MAGI2: variants seen among roughly 807,000 people sequenced by gnomAD.
The protein encoded by MAGI2 is membrane associated guanylate kinase, WW and PDZ domain containing 2.
MAGI2 carries 35 observed loss-of-function variants against 133.3 expected under a neutral mutation model. The observed-to-expected ratio is 0.26, with a 90% CI of 0.20 to 0.35. The LOEUF is 0.35. Ranked by LOEUF, MAGI2 falls within the 10% of genes least tolerant of loss-of-function variation. MAGI2 has a pLI of 1.00. For synonymous variants in MAGI2, 729 were observed against 710.6 expected (o/e 1.03, Z -0.41); for missense variants, 1,636 against 1,863.4 (o/e 0.88, Z 2.25).
chr7:79,388,843 TAA>T (rs11321887), intron 1 of MAGI2, among the ~76,000 whole-genome samples: 50 of 141,904 alleles, frequency 3.5e-4, no homozygotes, highest in Admixed American at 8.4e-4. Flanking sequence ...ATGTAGTCAT[TAA>T]AAAAAAAAAA....
At chr7:78,797,516 T>C (rs1787713477) in intron 2 of MAGI2, among the ~76,000 whole-genome samples, 1 of 149,588 alleles carries the variant, frequency 6.7e-6, no homozygotes, top group Admixed American at 7.2e-5. Context: ...CAGTGTTTCT[T>C]TATTATGTGA....
chr7:78,930,975 C>T (rs1013258560), intron 2 of MAGI2, among the ~76,000 whole-genome samples: 4 of 152,014 alleles, frequency 2.6e-5, no homozygotes, highest in South Asian at 2.1e-4. Context: ...TTCTATTTTG[C>T]TATTTAGGAG....
At chr7:78,834,452 A>C (rs139740988) in intron 2 of MAGI2, among the ~76,000 whole-genome samples, 327 of 152,282 alleles carry the variant, frequency 2.1e-3, no homozygotes, top group African/African-American at 7.6e-3. Flanking sequence ...AAATCATATG[A>C]TATGTGGCTT....
chr7:79,199,361 T>C (rs10250126), intron 1 of MAGI2, among the ~76,000 whole-genome samples: 25,527 of 152,010 alleles, frequency 0.17, 5,344 homozygotes, highest in African/African-American at 0.49. Flanking sequence ...ACTAAGATTA[T>C]ACAATTGCTA....
chr7:79,386,769 G>T (rs983400119), intron 1 of MAGI2, among the ~76,000 whole-genome samples: 2 of 152,008 alleles, frequency 1.3e-5, no homozygotes, highest in South Asian at 2.1e-4. Context: ...GGTATTAAAA[G>T]GTGGTGCCTT....
intron 2 of MAGI2, among the ~76,000 whole-genome samples, chr7:78,825,854 C>T (rs1297519008): frequency 6.6e-6 from 1 of 152,102 alleles, no homozygotes; most frequent in African/African-American, 2.4e-5. Flanking sequence ...ATGTCTCCAA[C>T]CGATTTGAAA....
At chr7:78,919,224 CA>C (rs1468431776) in intron 2 of MAGI2, among the ~76,000 whole-genome samples, 1 of 151,980 alleles carries the variant, frequency 6.6e-6, no homozygotes, top group Admixed American at 6.6e-5. Context: ...TTTTGTTGGA[CA>C]AAATCTAACA....
intron 3 of MAGI2, among the ~76,000 whole-genome samples, chr7:78,576,369 A>G (rs1802265686): frequency 1.3e-5 from 2 of 152,122 alleles, no homozygotes; most frequent in African/African-American, 4.8e-5. Flanking sequence ...TTATGTTTGA[A>G]TCTATTGGAG....
At chr7:78,889,938 T>A (rs1429764589) in intron 2 of MAGI2, among the ~76,000 whole-genome samples, 2 of 152,158 alleles carry the variant, frequency 1.3e-5, no homozygotes, top group Non-Finnish European at 2.9e-5. Context: ...ACTGGCAAAT[T>A]GGATAAAGAG....
chr7:78,064,604 C>T (rs1813623977), intron 21 of MAGI2, among the ~76,000 whole-genome samples: 1 of 152,052 alleles, frequency 6.6e-6, no homozygotes, highest in Non-Finnish European at 1.5e-5. Flanking sequence ...GGGATAGAAT[C>T]AAACCAGAAT....
At chr7:79,270,508 A>G (rs1834801592) in intron 1 of MAGI2, among the ~76,000 whole-genome samples, 1 of 152,196 alleles carries the variant, frequency 6.6e-6, no homozygotes, top group African/African-American at 2.4e-5. Context: ...CAATCATTTA[A>G]CATTTCAGTA....
intron 2 of MAGI2, among the ~76,000 whole-genome samples, chr7:78,740,159 TA>T (rs1211881071): frequency 0.013 from 1,860 of 138,578 alleles, 43 homozygotes; most frequent in African/African-American, 0.044. Flanking sequence ...AGACTCTGTC[TA>T]AAAAAAAAAA....
At chr7:78,196,681 C>G (rs1828770697) in intron 11 of MAGI2, among the ~76,000 whole-genome samples, 1 of 152,104 alleles carries the variant, frequency 6.6e-6, no homozygotes, top group African/African-American at 2.4e-5. Context: ...CCTGCCCTGC[C>G]CACCTGGGAC....
chr7:79,001,312 A>T (rs1045768969), intron 2 of MAGI2, among the ~76,000 whole-genome samples: 14 of 152,186 alleles, frequency 9.2e-5, no homozygotes, highest in African/African-American at 3.4e-4. Context: ...CTTCAAATAA[A>T]TTTTAAATAT....
intron 2 of MAGI2, among the ~76,000 whole-genome samples, chr7:78,666,299 G>C (rs1028822698): frequency 1.3e-5 from 2 of 152,072 alleles, no homozygotes; most frequent in African/African-American, 4.8e-5. Flanking sequence ...CAAAAAGACA[G>C]AAACAAATAT....
intron 21 of MAGI2, among the ~76,000 whole-genome samples, chr7:78,069,892 A>G (rs1277161902): frequency 1.3e-5 from 2 of 151,534 alleles, no homozygotes; most frequent in African/African-American, 2.4e-5. Flanking sequence ...CTAAAATATG[A>G]CTCTTCATGA....
intron 3 of MAGI2, among the ~76,000 whole-genome samples, chr7:78,529,981 G>A (rs1797325922): frequency 6.6e-6 from 1 of 151,936 alleles, no homozygotes; most frequent in African/African-American, 2.4e-5. Flanking sequence ...CCAGTGTATA[G>A]TTTACATTTA....
At chr7:78,721,173 T>C (rs1820232733) in intron 2 of MAGI2, among the ~76,000 whole-genome samples, 1 of 152,102 alleles carries the variant, frequency 6.6e-6, no homozygotes, top group Non-Finnish European at 1.5e-5. Context: ...TCACCCACAC[T>C]GTACCAGTTC....
At chr7:78,942,944 G>A (rs1801106792) in intron 2 of MAGI2, among the ~76,000 whole-genome samples, 1 of 151,218 alleles carries the variant, frequency 6.6e-6, no homozygotes, top group African/African-American at 2.4e-5. Flanking sequence ...ATGACTACAT[G>A]AATATATATC....
Sources: gnomAD v4.1 joint callset for allele counts (sites outside exome capture counted in the v4.1 genomes callset) on GRCh38, gnomAD v4.1.1 for gene constraint, MANE v1.5 for transcripts, NCBI Gene and HGNC (gene_info 2026-07-23, HGNC 2026-07-21) for gene names.